FREM3: variants seen among roughly 807,000 people sequenced by gnomAD.
FREM3 encodes the protein FRAS1 related extracellular matrix 3, also known as FRAS1-related extracellular matrix protein 3.
In FREM3, 105 loss-of-function variants were observed where a neutral mutation model predicts 129.1. The observed-to-expected ratio is 0.81, with a 90% CI of 0.69 to 0.96. FREM3 has a LOEUF of 0.96. Ranked by LOEUF, FREM3 falls within the 40% of genes least tolerant of loss-of-function variation. FREM3 has a pLI of 0.00. For missense variants in FREM3, 2,593 were observed against 2,666.3 expected (o/e 0.97, Z 0.61); for synonymous variants, 1,014 against 1,044.9 (o/e 0.97, Z 0.57).
intron 2 of FREM3, among the ~76,000 whole-genome samples, chr4:143,635,197 A>G (rs926338024): frequency 6.6e-6 from 1 of 152,168 alleles, no homozygotes; most frequent in Non-Finnish European, 1.5e-5. Context: ...AGTGAAGAAA[A>G]AGAAATCAGT....
intron 2 of FREM3, among the ~76,000 whole-genome samples, chr4:143,677,500 G>A (rs574008179): frequency 4.1e-4 from 63 of 152,206 alleles, no homozygotes; most frequent in Non-Finnish European, 3.7e-4. Flanking sequence ...CTTCATGTCT[G>A]AAACACCAAA....
rs144706052 is a variant in FREM3 at position 143,671,753 on chromosome 4, A to G, written c.5275+21360T>C. The stretch of plus-strand genomic sequence containing the variant: ...AACTTTCACCTCAAAACCCCATTTA[A>G]TTTTCTATGTGGAAACTAGGTGCGA... On this transcript the variant is annotated intron_variant, in intron 2 of 7. Coordinates refer to ENST00000329798, the MANE Select transcript of FREM3 (RefSeq NM_001168235.2). 6.3e-3 allele frequency among the ~76,000 whole-genome samples: 954 copies of G among 152,292 alleles called. 8 individuals are homozygous for G. The highest frequency in any genetic ancestry group is 0.022 in the African/African-American group (924 of 41,550).
rs1181763683 is a variant in FREM3, at chr4:143,700,565, C to T, written c.111G>A (p.Gly37=). Residue 37 remains glycine, a synonymous_variant, in exon 1 of 8, where the codon GGG becomes GGA. Transcript: ENST00000329798. ...PALQGRASSL[G]TEPDPALYLP... The stretch of plus-strand genomic sequence containing the variant: ...GGTAAAGCGCCGGGTCGGGCTCGGT[C>T]CCAAGTGAGGATGCCCGTCCCTGCA... 2.6e-6 allele frequency: 4 copies of T among 1,510,796 alleles called. No individual in the cohort carries two copies. In the African/African-American group the frequency reaches 4.2e-5, roughly 16 times the overall value. The allele number at this position is 1,510,796 out of a possible 1,614,324, so 93.6% of individuals were successfully genotyped here.
At chr4:143,693,874 G>A (rs1578873205) in intron 1 of FREM3, among the ~76,000 whole-genome samples, 1 of 152,118 alleles carries the variant, frequency 6.6e-6, no homozygotes, top group African/African-American at 2.4e-5. Context: ...TTCACGAACA[G>A]GAAACCAAAT....
chr4:143,700,564 T>A lies in FREM3; in HGVS notation c.112A>T (p.Thr38Ser). The stretch of plus-strand genomic sequence containing the variant: ...AGGTAAAGCGCCGGGTCGGGCTCGG[T>A]CCCAAGTGAGGATGCCCGTCCCTGC... ...ALQGRASSLG[T>S]EPDPALYLPA... Residue 38 changes from threonine to serine, a missense_variant, in exon 1 of 8, where the codon ACC (threonine) becomes TCC (serine). This residue lies in a region of FREM3 where 2,276 missense variants were observed against 2,267.2 expected (regional missense o/e 1.00). Transcript: ENST00000329798. The A allele has an allele frequency of 6.6e-7, 1 of 1,510,986 alleles. No homozygotes were observed. The highest frequency in any genetic ancestry group is 8.8e-7 in the Non-Finnish European group (1 of 1,131,932). The allele number at this position is 1,510,986 out of a possible 1,614,324, so 93.6% of individuals were successfully genotyped here.
At chr4:143,603,524 A>T (rs909153793) in intron 6 of FREM3, among the ~76,000 whole-genome samples, 5 of 152,206 alleles carry the variant, frequency 3.3e-5, no homozygotes, top group African/African-American at 1.2e-4. Context: ...TGATCCATTT[A>T]ATACATTCTG....
rs1343146339 is a variant in FREM3 at position 143,700,383 on chromosome 4, G to A, written c.293C>T (p.Thr98Met). 5 of 1,534,960 alleles carry A rather than the reference G, an allele frequency of 3.3e-6. No homozygotes were observed. The highest frequency in any genetic ancestry group is 2.7e-5 in the African/African-American group (2 of 73,028). The change falls in exon 1 of 8, where the codon ACG becomes ATG. Residue 98 changes from threonine (T) to methionine (M), a missense_variant. By Grantham distance (81) the Thr-to-Met change is moderately conservative. Around this residue, in one of 2 missense-constraint regions of FREM3, gnomAD observed 2,276 missense variants for 2,267.2 expected, o/e 1.00. Coordinates refer to ENST00000329798, the MANE Select transcript of FREM3 (RefSeq NM_001168235.2). ...GVQPGDRCEV[T>M]VLDALPRLKG... ...GAGCCGCGGCAGGGCGTCCAGTACC[G>A]TGACTTCGCACCGGTCCCCCGGCTG...
At chr4:143,597,303 T>G (rs1488937987) in intron 6 of FREM3, among the ~76,000 whole-genome samples, 1 of 152,178 alleles carries the variant, frequency 6.6e-6, no homozygotes, top group Non-Finnish European at 1.5e-5. Flanking sequence ...AAGCCAACAG[T>G]GGACGTCAAC....
In FREM3 at chr4:143,699,477, C is replaced by T. The variant is rs1198612934; in HGVS notation, c.1199G>A (p.Arg400His). ...CACCTCCAGCTCCAGCTGAAAGAGG[C>T]GCTCCCCATGGGAGTTCTCTGCAGG... ...QPPAENSHGE[R>H]LFQLELEVVD... Residue 400 changes from arginine to histidine, a missense_variant, in exon 1 of 8, where the codon CGC (arginine) becomes CAC (histidine). Coordinates refer to ENST00000329798, the MANE Select transcript of FREM3 (RefSeq NM_001168235.2). This position sits in a 1 kb window ranked among gnomAD's most constrained non-coding sequence, Gnocchi z 4.2. 27 of 1,537,284 alleles carry T rather than the reference C, an allele frequency of 1.8e-5. No individual in the cohort carries two copies. Among genetic ancestry groups the T allele is most frequent in the Non-Finnish European group, 2.3e-5 (26 of 1,146,912 alleles).
intron 2 of FREM3, among the ~76,000 whole-genome samples, chr4:143,665,212 T>C (rs1372600574): frequency 6.6e-6 from 1 of 152,114 alleles, no homozygotes; most frequent in Non-Finnish European, 1.5e-5. Context: ...ACTGGAGCTG[T>C]TCCTATTTGG....
chr4:143,646,479 A>G (rs1739418207), intron 2 of FREM3, among the ~76,000 whole-genome samples: 1 of 152,152 alleles, frequency 6.6e-6, no homozygotes, highest in South Asian at 2.1e-4. Flanking sequence ...CAAGAGGGAG[A>G]TAATTGAATC....
At chr4:143,617,556 G>T (rs1348538346) in intron 5 of FREM3, among the ~76,000 whole-genome samples, 1 of 152,182 alleles carries the variant, frequency 6.6e-6, no homozygotes, top group African/African-American at 2.4e-5. Context: ...CTTCATGTTT[G>T]TTGCGTTTGG....
At chr4:143,660,048 T>C (rs1467246405) in intron 2 of FREM3, among the ~76,000 whole-genome samples, 3,569 of 148,700 alleles carry the variant, frequency 0.024, 133 homozygotes, top group African/African-American at 0.083. Flanking sequence ...TTCACTCTGA[T>C]GGTAGTTTCT....
At chr4:143,598,517 T>G (rs1006760464) in intron 6 of FREM3, among the ~76,000 whole-genome samples, 1 of 152,138 alleles carries the variant, frequency 6.6e-6, no homozygotes, top group African/African-American at 2.4e-5. Flanking sequence ...GTTCTGTGCA[T>G]GCCCCAGAAA....
chr4:143,645,584 C>T (rs978651651), intron 2 of FREM3, among the ~76,000 whole-genome samples: 1 of 152,180 alleles, frequency 6.6e-6, no homozygotes, highest in Non-Finnish European at 1.5e-5. Context: ...AACATAGAAA[C>T]CCTGCCTTAC....
intron 2 of FREM3, among the ~76,000 whole-genome samples, chr4:143,641,055 C>T (rs1423138268): frequency 2.0e-5 from 3 of 152,074 alleles, no homozygotes; most frequent in Admixed American, 2.0e-4. Flanking sequence ...TTAGAAACAC[C>T]TGGTCCCAAT....
chr4:143,614,940 C>T (rs1294331886), intron 5 of FREM3, among the ~76,000 whole-genome samples: 1 of 152,164 alleles, frequency 6.6e-6, no homozygotes. Flanking sequence ...GCATCGATTG[C>T]CCCTGTCCAG....
rs376485134 is a variant in FREM3 at position 143,697,985 on chromosome 4, G to A, written c.2691C>T (p.Asn897=). 3.9e-5 allele frequency: 60 copies of A among 1,537,526 alleles called. No homozygotes were observed. The East Asian group carries it at 6.4e-4, about 16-fold the overall frequency. Residue 897 remains asparagine (N), a synonymous_variant, in exon 1 of 8, where the codon AAC becomes AAT. Transcript: ENST00000329798. ...TGCCATGCTGGTAAGAGACACTCCC[G>A]TTAATAACATCAGCTTGCATGAAAG... ...GESFMQADVI[N]GSVSYQHGRD...
At chr4:143,615,215 C>T (rs530342143) in intron 5 of FREM3, among the ~76,000 whole-genome samples, 1 of 152,228 alleles carries the variant, frequency 6.6e-6, no homozygotes, top group South Asian at 2.1e-4. Context: ...AGAGAATGCC[C>T]CATGATATCC....
Sources: allele counts gnomAD v4.1 joint callset (sites outside exome capture counted in the v4.1 genomes callset), GRCh38; gene constraint gnomAD v4.1.1; regional missense constraint gnomAD v4.1.1; non-coding constraint Gnocchi (gnomAD v3.1); transcripts MANE v1.5; gene names NCBI Gene and HGNC (gene_info 2026-07-23, HGNC 2026-07-21).